SAMSN1: variants seen among roughly 807,000 people sequenced by gnomAD.
The protein encoded by SAMSN1 is SAM domain, SH3 domain and nuclear localization signals 1, also known as SAM domain-containing protein SAMSN-1.
SAMSN1 carries 31 observed loss-of-function variants against 42.0 expected under a neutral mutation model. The observed-to-expected ratio is 0.74, with a 90% CI of 0.55 to 1.00. SAMSN1 has a LOEUF of 1.00. Ranked by LOEUF, SAMSN1 falls within the 50% of genes least tolerant of loss-of-function variation. The probability of loss-of-function intolerance (pLI) is 0.00; values close to 1 mark genes in which losing one functional copy is unlikely to be tolerated. For synonymous variants in SAMSN1, 178 were observed against 151.9 expected (o/e 1.17, Z -1.26); for missense variants, 464 against 439.4 (o/e 1.06, Z -0.50).
intron 2 of SAMSN1, among the ~76,000 whole-genome samples, chr21:14,574,658 A>G (rs1981403811): frequency 6.6e-6 from 1 of 152,110 alleles, no homozygotes; most frequent in Non-Finnish European, 1.5e-5. Context: ...TATTACCTCT[A>G]TTTATCCTGG....
At chr21:14,497,216 A>T (rs1380601587) in intron 7 of SAMSN1, among the ~76,000 whole-genome samples, 1 of 152,216 alleles carries the variant, frequency 6.6e-6, no homozygotes, top group Non-Finnish European at 1.5e-5. Flanking sequence ...TGGGGTAAGT[A>T]CTCAAGAGAA....
chr21:14,628,344 A>G (rs1281452791), intron 2 of SAMSN1, among the ~76,000 whole-genome samples: 1 of 152,118 alleles, frequency 6.6e-6, no homozygotes, highest in Non-Finnish European at 1.5e-5. Context: ...CTCTGATCTG[A>G]TCACTATACA....
chr21:14,602,173 C>T (rs897933253), intron 5 of SAMSN1: 1 of 443,366 alleles, frequency 2.3e-6, no homozygotes, highest in Admixed American at 3.8e-5. Flanking sequence ...TGCAATTTAA[C>T]ACTCATGTTT....
chr21:14,592,194 C>T (rs1233546488), intron 7 of SAMSN1: 4 of 152,132 alleles, frequency 2.6e-5, no homozygotes, highest in Non-Finnish European at 4.4e-5. Flanking sequence ...GTTTCTAGAA[C>T]TACTCATAAG....
chr21:14,576,224 T>G (rs768744693), intron 2 of SAMSN1, among the ~76,000 whole-genome samples: 1 of 152,182 alleles, frequency 6.6e-6, no homozygotes, highest in Non-Finnish European at 1.5e-5. Flanking sequence ...TCAGGATCAT[T>G]AATCAGGGTA....
chr21:14,535,546 A>G (rs758484857), intron 1 of SAMSN1, among the ~76,000 whole-genome samples: 3 of 152,176 alleles, frequency 2.0e-5, no homozygotes, highest in Non-Finnish European at 4.4e-5. Context: ...ACAAATTCGT[A>G]TGTTTGAAGC....
intron 7 of SAMSN1, among the ~76,000 whole-genome samples, chr21:14,592,859 C>A (rs1045421567): frequency 5.3e-5 from 8 of 152,088 alleles, no homozygotes; most frequent in Admixed American, 3.9e-4. Flanking sequence ...TTTCATAATC[C>A]TCCCAAATGT....
chr21:14,538,969 G>A (rs907696101), intron 1 of SAMSN1, among the ~76,000 whole-genome samples: 2 of 152,104 alleles, frequency 1.3e-5, no homozygotes, highest in Non-Finnish European at 2.9e-5. Context: ...TATTAACACG[G>A]ATCATTAATC....
chr21:14,508,655 T>C (rs940453796), intron 5 of SAMSN1, among the ~76,000 whole-genome samples: 2 of 152,222 alleles, frequency 1.3e-5, no homozygotes, highest in African/African-American at 4.8e-5. Context: ...TGGAGATTCC[T>C]TAAAGAACTA....
At chr21:14,658,812 T>A (rs557313853) in exon 1 of SAMSN1, 1 of 714,946 alleles carries the variant, frequency 1.4e-6, no homozygotes, top group South Asian at 1.5e-5. Flanking sequence ...CTTTGAAAAA[T>A]ATGATTGCCT....
At chr21:14,582,351 T>C in exon 2 of SAMSN1, 1 of 1,550,162 alleles carries the variant, frequency 6.5e-7, no homozygotes, top group Non-Finnish European at 8.7e-7. Flanking sequence ...TTTAAAGTGC[T>C]GGATCTACCC....
Position 14,541,348 on chromosome 21 carries a change from T to A in SAMSN1, c.57+4857A>T, listed in dbSNP as rs12626714. Among the ~76,000 whole-genome samples, 19 of 151,008 alleles carry A rather than the reference T, an allele frequency of 1.3e-4. No individual in the cohort carries two copies. The East Asian group carries it at 3.5e-3, about 28-fold the overall frequency. The stretch of plus-strand genomic sequence containing the variant: ...TAAAAAAAAAAAAAAAGTACATAGC[T>A]TGAGTGAGTATCCATACTTGAACCA... On this transcript the variant is annotated intron_variant, in intron 1 of 7. Coordinates refer to ENST00000400566, the MANE Select transcript of SAMSN1 (RefSeq NM_022136.5).
rs368475908 is a variant in SAMSN1 at position 14,517,038 on chromosome 21, G to A, written c.133C>T (p.His45Tyr). The change falls in exon 3 of 8, where the codon CAT becomes TAT. Residue 45 changes from histidine (H) to tyrosine (Y), a missense_variant. Coordinates refer to ENST00000400566, the MANE Select transcript of SAMSN1 (RefSeq NM_022136.5). ...CTTCCATTTGTGGGATCTCCTTCAT[G>A]TGCCTAGTTTAGAATTGTTTACAAA... ...LSKPDDSTEA[H>Y]EGDPTNGSGE... The A allele has an allele frequency of 8.1e-6, 13 of 1,608,024 alleles. No homozygotes were observed. The African/African-American group carries it at 1.1e-4, about 13-fold the overall frequency.
intron 2 of SAMSN1, among the ~76,000 whole-genome samples, chr21:14,635,779 G>T (rs1247675275): frequency 1.6e-5 from 1 of 60,710 alleles, no homozygotes; most frequent in Admixed American, 2.3e-4. Context: ...CTTAAAGAGG[G>T]TTACAACAAC....
intron 6 of SAMSN1, chr21:14,594,129 A>C: frequency 1.6e-6 from 1 of 639,026 alleles, no homozygotes; most frequent in East Asian, 2.8e-5. Context: ...CATTCTTTAA[A>C]AAACAAAACA....
intron 3 of SAMSN1, chr21:14,615,920 C>T: frequency 2.8e-6 from 1 of 354,696 alleles, no homozygotes; most frequent in Non-Finnish European, 5.4e-6. Flanking sequence ...TAAAAATTCA[C>T]ATTCAACATT....
intron 2 of SAMSN1, among the ~76,000 whole-genome samples, chr21:14,555,796 G>A (rs755783642): frequency 3.3e-5 from 5 of 152,104 alleles, no homozygotes; most frequent in Non-Finnish European, 5.9e-5. Flanking sequence ...CCACTGAATC[G>A]TGCCTCATTT....
chr21:14,609,978 G>T (rs1451223134), intron 4 of SAMSN1, among the ~76,000 whole-genome samples: 1 of 152,164 alleles, frequency 6.6e-6, no homozygotes, highest in Non-Finnish European at 1.5e-5. Flanking sequence ...AGGTGAGGAT[G>T]TATGTCGCCT....
At position 14,485,352 on chromosome 21, in the gene SAMSN1, A is replaced by G. The variant is rs1351414000; in HGVS notation, c.*560T>C. ...TGGTTTCACTAAATCAGAAGTGACTACACATTATCTCTACTTTTATACCAG... is the reference window on the plus strand; with the variant it reads ...TGGTTTCACTAAATCAGAAGTGACTGCACATTATCTCTACTTTTATACCAG... On this transcript the variant is annotated 3_prime_UTR_variant, in exon 8 of 8. Transcript: ENST00000400566. 1.3e-5 allele frequency: 2 copies of G among 152,426 alleles called. No individual in the cohort carries two copies. The highest frequency in any genetic ancestry group is 2.9e-5 in the Non-Finnish European group (2 of 68,170). 9.4% of individuals were successfully genotyped at this position (152,426 alleles called of 1,614,324 possible). A position where few individuals can be genotyped will look rare whatever the true frequency, so the allele number is the denominator to read the frequency against.
Sources: allele counts gnomAD v4.1 joint callset (sites outside exome capture counted in the v4.1 genomes callset), GRCh38; gene constraint gnomAD v4.1.1; transcripts MANE v1.5; gene names NCBI Gene and HGNC (gene_info 2026-07-23, HGNC 2026-07-21).